Variants in RPS6KC1 observed in about 807,000 individuals in gnomAD.
RPS6KC1 encodes the protein ribosomal protein S6 kinase C1.
RPS6KC1 carries 54 observed loss-of-function variants against 103.8 expected under a neutral mutation model. The ratio of observed to expected loss-of-function variants is 0.52; its 90% CI spans 0.42 to 0.65. RPS6KC1 has a LOEUF of 0.65. Ranked by LOEUF, RPS6KC1 falls within the 30% of genes least tolerant of loss-of-function variation. The pLI is 0.00. For missense variants in RPS6KC1, 1,151 were observed against 1,253.8 expected, an observed-to-expected ratio of 0.92 and a Z score of 1.24; for synonymous variants, 439 against 438.7, an observed-to-expected ratio of 1.00 and a Z score of -0.01.
At chr1:213,163,319 G>A (rs2090651458) in intron 6 of RPS6KC1, among the ~76,000 whole-genome samples, 1 of 152,208 alleles carries the variant, frequency 6.6e-6, no homozygotes, top group Non-Finnish European at 1.5e-5. Context: ...TAAGCACAGG[G>A]CCCATTGGGA....
chr1:213,689,861 G>A, the RPS6KC1 span, among the ~76,000 whole-genome samples: 3 of 152,304 alleles, frequency 2.0e-5, no homozygotes, highest in Non-Finnish European at 4.4e-5. Flanking sequence ...GAATGCATCT[G>A]GGGATCAATG....
chr1:213,593,049 G>A, the RPS6KC1 span, among the ~76,000 whole-genome samples: 1 of 77,896 alleles, frequency 1.3e-5, no homozygotes, highest in Non-Finnish European at 2.8e-5. Context: ...CCAGGGTGGG[G>A]CTGAGCATTA....
chr1:213,269,876 C>T (rs1412889245), intron 14 of RPS6KC1, among the ~76,000 whole-genome samples: 1 of 151,342 alleles, frequency 6.6e-6, no homozygotes, highest in African/African-American at 2.4e-5. Flanking sequence ...ACAGTGAGAC[C>T]CTGTCTCTAA....
At chr1:213,588,905 G>A in the RPS6KC1 span, among the ~76,000 whole-genome samples, 4 of 152,206 alleles carry the variant, frequency 2.6e-5, no homozygotes, top group African/African-American at 9.6e-5. Context: ...ACATCTCAGA[G>A]CAGGCACCCA....
At chr1:213,104,983 A>G (rs11120089) in intron 4 of RPS6KC1, among the ~76,000 whole-genome samples, 14,881 of 152,154 alleles carry the variant, frequency 0.098, 1,116 homozygotes, top group African/African-American at 0.19. Context: ...GAAGCATCAT[A>G]AAACTCTAGT....
At position 213,105,501 on chromosome 1, in the gene RPS6KC1, ATTAT is replaced by A. The variant is rs201981469; in HGVS notation, c.378+947_378+950del. On this transcript the variant is annotated intron_variant, in intron 4 of 14. Coordinates refer to ENST00000366960, the MANE Select transcript of RPS6KC1 (RefSeq NM_012424.6). ...TTCTGATTTTAGTGGATCTACACAG[ATTAT>A]TTATTTATTTATTTTTTTCTGCCAG... is the stretch of plus-strand genomic sequence containing the variant. Among the ~76,000 whole-genome samples, 714 of 151,150 alleles carry A rather than the reference ATTAT, an allele frequency of 4.7e-3. 7 individuals are homozygous for A. The highest frequency in any genetic ancestry group is 0.012 in the African/African-American group (491 of 40,546).
the RPS6KC1 span, among the ~76,000 whole-genome samples, chr1:213,796,934 T>A: frequency 0.1 from 15,574 of 152,254 alleles, 1,575 homozygotes; most frequent in African/African-American, 0.23. Flanking sequence ...TTAAATGGCA[T>A]GTTGTTTATG....
the RPS6KC1 span, among the ~76,000 whole-genome samples, chr1:213,285,349 G>GC: frequency 6.6e-6 from 1 of 151,830 alleles, no homozygotes; most frequent in East Asian, 1.9e-4. Context: ...TCATACTGGG[G>GC]GGTAGGATTT....
chr1:213,746,228 G>A, the RPS6KC1 span, among the ~76,000 whole-genome samples: 1 of 152,178 alleles, frequency 6.6e-6, no homozygotes, highest in Admixed American at 6.5e-5. Context: ...AAATTTGAAA[G>A]GGCAGAGTAG....
At chr1:213,262,945 C>T (rs2094833152) in intron 14 of RPS6KC1, 129 bp downstream of exon 14, 1 of 677,692 alleles carries the variant, frequency 1.5e-6, no homozygotes, top group South Asian at 1.7e-5. Context: ...AAGACACGTT[C>T]AGAATTAATA....
chr1:213,172,673 T>C (rs73086392), intron 7 of RPS6KC1, among the ~76,000 whole-genome samples: 5,557 of 152,124 alleles, frequency 0.037, 287 homozygotes, highest in African/African-American at 0.12. Context: ...CCAAGAGCAT[T>C]GTATTGAGAA....
chr1:213,071,307 T>G (rs1351094959), intron 2 of RPS6KC1, among the ~76,000 whole-genome samples: 2 of 152,128 alleles, frequency 1.3e-5, no homozygotes, highest in Non-Finnish European at 2.9e-5. Context: ...TTTTGTATTT[T>G]TAGTAGAGAT....
At chr1:213,697,058 C>A in the RPS6KC1 span, among the ~76,000 whole-genome samples, 1 of 152,192 alleles carries the variant, frequency 6.6e-6, no homozygotes, top group African/African-American at 2.4e-5. Flanking sequence ...TGCTAAAGCA[C>A]CTCACAGAAC....
chr1:213,216,889 T>A (rs1425395876), intron 8 of RPS6KC1, among the ~76,000 whole-genome samples: 1 of 152,040 alleles, frequency 6.6e-6, no homozygotes, highest in African/African-American at 2.4e-5. Flanking sequence ...GAGGGAAATT[T>A]ATAGCACTAA....
the RPS6KC1 span, among the ~76,000 whole-genome samples, chr1:213,739,820 C>G: frequency 1.3e-5 from 2 of 152,098 alleles, no homozygotes; most frequent in African/African-American, 2.4e-5. Flanking sequence ...TTAAGGTACG[C>G]AAAGATTCAA....
At chr1:213,297,771 A>G in the RPS6KC1 span, among the ~76,000 whole-genome samples, 1 of 152,032 alleles carries the variant, frequency 6.6e-6, no homozygotes, top group Non-Finnish European at 1.5e-5. Flanking sequence ...CCACCACGCT[A>G]AGCTAATTTA....
intron 12 of RPS6KC1, among the ~76,000 whole-genome samples, chr1:213,251,805 T>G (rs1389829836): frequency 6.6e-6 from 1 of 152,198 alleles, no homozygotes; most frequent in Non-Finnish European, 1.5e-5. Flanking sequence ...CAACAAACAT[T>G]TATTAAATGC....
rs1320134732 is a variant in RPS6KC1 at position 213,274,727 on chromosome 1, G to A, written c.*2093G>A. 6.6e-6 allele frequency: 1 copy of A among 151,756 alleles called. No homozygotes were observed. Among genetic ancestry groups the A allele is most frequent in the Non-Finnish European group, 1.5e-5 (1 of 67,958 alleles). The allele number at this position is 151,756 out of a possible 1,614,324, so 9.4% of individuals were successfully genotyped here. A position where few individuals can be genotyped will look rare whatever the true frequency, so the allele number is the denominator to read the frequency against. ...TTTTTTTTATATTTTGTTTGTTTAA[G>A]CAGAAGAGTGGAATATGGGGTCAAA... On this transcript the variant is annotated 3_prime_UTR_variant, in exon 15 of 15. Coordinates refer to ENST00000366960, the MANE Select transcript of RPS6KC1 (RefSeq NM_012424.6).
At chr1:213,629,260 G>T in the RPS6KC1 span, among the ~76,000 whole-genome samples, 1 of 151,946 alleles carries the variant, frequency 6.6e-6, no homozygotes, top group Non-Finnish European at 1.5e-5. Flanking sequence ...TATGAATCTG[G>T]GTGCTCCTGT....
Sources: allele counts gnomAD v4.1 joint callset (sites outside exome capture counted in the v4.1 genomes callset), GRCh38; gene constraint gnomAD v4.1.1; transcripts MANE v1.5; gene names NCBI Gene and HGNC (gene_info 2026-07-23, HGNC 2026-07-21).